Variants in TTBK2 observed in about 807,000 individuals in gnomAD.
The protein encoded by TTBK2 is tau tubulin kinase 2, also known as tau-tubulin kinase 2.
Under a neutral mutation model 110.8 loss-of-function variants are expected in TTBK2, and 28 were observed. The observed-to-expected ratio is 0.25, with a 90% CI of 0.19 to 0.35. The LOEUF (loss-of-function observed/expected upper bound fraction) is 0.35. Ranked by LOEUF, TTBK2 falls within the 10% of genes least tolerant of loss-of-function variation. TTBK2 has a pLI of 1.00. For missense variants in TTBK2, 1,369 were observed against 1,500.3 expected, an observed-to-expected ratio of 0.91 and a Z score of 1.45; for synonymous variants, 532 against 527.3, an observed-to-expected ratio of 1.01 and a Z score of -0.12.
intron 2 of TTBK2, among the ~76,000 whole-genome samples, chr15:42,875,298 G>A (rs1894773504): frequency 6.6e-6 from 1 of 152,166 alleles, no homozygotes; most frequent in African/African-American, 2.4e-5. Context: ...AAGAGACAGA[G>A]GCAGTTTAGT....
Position 42,746,257 on chromosome 15 carries a change from C to A in TTBK2, c.3273G>T (p.Arg1091Ser), listed in dbSNP as rs753785119. Residue 1091 changes from arginine (R) to serine (S), a missense_variant and splice_region_variant, in exon 15 of 15, where the codon AGG (arginine) becomes AGT (serine). Arg to Ser is a moderately radical substitution (Grantham distance 110). Transcript: ENST00000267890. The stretch of plus-strand genomic sequence containing the variant: ...TCCCTAGGACTTTATATCTGCGTAG[C>A]CTTAAAAGAACAGAGAAAATATATT... ...KPPTRPGVEARLRRYKVLGSS... is the reference protein window; with the variant it reads ...KPPTRPGVEASLRRYKVLGSS... 2 of 1,608,172 alleles carry A rather than the reference C, an allele frequency of 1.2e-6. No homozygotes were observed. Among genetic ancestry groups the A allele is most frequent in the South Asian group, 1.1e-5 (1 of 90,686 alleles).
chr15:42,831,346 C>A (rs1892751794), intron 4 of TTBK2, among the ~76,000 whole-genome samples: 1 of 152,090 alleles, frequency 6.6e-6, no homozygotes, highest in Non-Finnish European at 1.5e-5. Context: ...CAGGTGTGAG[C>A]CACCATGCCT....
intron 6 of TTBK2, among the ~76,000 whole-genome samples, chr15:42,818,283 T>C (rs1892126247): frequency 6.6e-6 from 1 of 152,224 alleles, no homozygotes; most frequent in Non-Finnish European, 1.5e-5. Context: ...TTTTAGTCTA[T>C]AGAATATAAA....
intron 6 of TTBK2, among the ~76,000 whole-genome samples, chr15:42,822,386 C>G (rs929071182): frequency 2.0e-5 from 3 of 151,782 alleles, no homozygotes; most frequent in African/African-American, 7.3e-5. Flanking sequence ...AAGTATTTAA[C>G]AATCTATGAG....
intron 5 of TTBK2, among the ~76,000 whole-genome samples, chr15:42,829,027 T>C (rs558866511): frequency 3.2e-4 from 49 of 152,308 alleles, no homozygotes; most frequent in East Asian, 2.9e-3. Flanking sequence ...CCAAGTACCA[T>C]AGTTCTCAAA....
At chr15:42,862,679 G>A (rs528952955) in intron 3 of TTBK2, among the ~76,000 whole-genome samples, 2 of 152,038 alleles carry the variant, frequency 1.3e-5, no homozygotes, top group South Asian at 4.2e-4. Context: ...ACCTGAAGTC[G>A]GGAGTTCCAG....
intron 14 of TTBK2, among the ~76,000 whole-genome samples, chr15:42,749,545 C>G (rs2140573711): frequency 6.6e-6 from 1 of 152,332 alleles, no homozygotes; most frequent in Admixed American, 6.5e-5. Context: ...GCAAAAAGAA[C>G]CCTGTCCTCC....
At chr15:42,802,423 C>A in intron 9 of TTBK2, 1 of 723,956 alleles carries the variant, frequency 1.4e-6, no homozygotes, top group South Asian at 1.4e-5. Context: ...GGCAGGCGGG[C>A]CGAACCAGAC....
intron 10 of TTBK2, among the ~76,000 whole-genome samples, chr15:42,785,585 A>T (rs1890376379): frequency 6.6e-6 from 1 of 152,074 alleles, no homozygotes; most frequent in African/African-American, 2.4e-5. Flanking sequence ...ATTAATTGGT[A>T]TTTGTCTATA....
chr15:42,791,261 G>C (rs148555569), intron 10 of TTBK2, among the ~76,000 whole-genome samples: 1 of 151,544 alleles, frequency 6.6e-6, no homozygotes, highest in Admixed American at 6.6e-5. Flanking sequence ...TTTGTGACTC[G>C]CCTGCCTCAG....
intron 13 of TTBK2, among the ~76,000 whole-genome samples, chr15:42,758,721 G>A (rs925527650): frequency 1.1e-4 from 17 of 150,884 alleles, no homozygotes; most frequent in African/African-American, 2.7e-4. Flanking sequence ...CTGCCACCCC[G>A]TTACCCAAGC....
chr15:42,777,385 T>C lies in TTBK2; in HGVS notation c.1198-143A>G, dbSNP rs1595899229. ...GGATATTTTGGCTAGTTTACTTCAT[T>C]ACATTCTTATCTATTAACTCTTTAT... On this transcript the variant is annotated intron_variant, in intron 11 of 14. Transcript: ENST00000267890. The C allele has an allele frequency of 3.9e-6, 3 of 778,306 alleles. No homozygotes were observed. In the East Asian group the frequency reaches 8.0e-5, roughly 21 times the overall value. The allele number at this position is 778,306 out of a possible 1,614,324, so 48.2% of individuals were successfully genotyped here. A position where few individuals can be genotyped will look rare whatever the true frequency, so the allele number is the denominator to read the frequency against.
At chr15:42,883,796 T>G (rs926573568) in intron 1 of TTBK2, among the ~76,000 whole-genome samples, 1 of 152,182 alleles carries the variant, frequency 6.6e-6, no homozygotes, top group African/African-American at 2.4e-5. Flanking sequence ...AGACAGAGAT[T>G]AGCAGGATAA....
At position 42,829,953 on chromosome 15, in the gene TTBK2, A is replaced by C; in HGVS notation, c.417T>G (p.His139Gln). The C allele has an allele frequency of 6.2e-7, 1 of 1,614,146 alleles. No homozygotes were observed. Among genetic ancestry groups the C allele is most frequent in the Non-Finnish European group, 8.5e-7 (1 of 1,180,022 alleles). ...IESIHSVGFL[H>Q]RDIKPSNFAM... ...AGGTCCCTACCGGTTTGATGTCTCGATGCAAGAATCCCACAGAATGAATGC... is the reference window on the plus strand; with the variant it reads ...AGGTCCCTACCGGTTTGATGTCTCGCTGCAAGAATCCCACAGAATGAATGC... Residue 139 changes from histidine (H) to glutamine (Q), a missense_variant, in exon 5 of 15, where the codon CAT (histidine) becomes CAG (glutamine). Physicochemically the swap from His to Gln is conservative, Grantham distance 24. This residue lies in a region of TTBK2 where 12 missense variants were observed against 47.0 expected (regional missense o/e 0.26). Transcript: ENST00000267890.
At position 42,827,938 on chromosome 15, in the gene TTBK2, T is replaced by C. The variant is rs1263391714; in HGVS notation, c.527A>G (p.Asp176Gly). Residue 176 changes from aspartate to glycine, a missense_variant, in exon 6 of 15, where the codon GAC (aspartate) becomes GGC (glycine). Physicochemically the swap from Asp to Gly is moderately conservative, Grantham distance 94. Coordinates refer to ENST00000267890, the MANE Select transcript of TTBK2 (RefSeq NM_173500.4). Reference protein sequence around the residue: ...LARQFTNSCGDVRPPRAVAGF... With the variant: ...LARQFTNSCGGVRPPRAVAGF... ...TATGAAAAATCTTACTGGTCTGACG[T>C]CACCACAGGAATTGGTAAATTGTCG... The C allele has an allele frequency of 6.2e-7, 1 of 1,613,102 alleles. No individual in the cohort carries two copies. The highest frequency in any genetic ancestry group is 8.5e-7 in the Non-Finnish European group (1 of 1,179,498).
intron 14 of TTBK2, among the ~76,000 whole-genome samples, chr15:42,746,963 A>ATTTT (rs377241095): frequency 5.5e-4 from 75 of 135,246 alleles, no homozygotes; most frequent in African/African-American, 2.0e-3. Context: ...TGGGCCTCAG[A>ATTTT]TTTTTTTTTT....
intron 1 of TTBK2, among the ~76,000 whole-genome samples, chr15:42,911,155 C>CATACAAAG (rs1340050572): frequency 6.6e-6 from 1 of 151,974 alleles, no homozygotes; most frequent in Admixed American, 6.6e-5. Flanking sequence ...CTAGGATTGT[C>CATACAAAG]ATACAAAGTT....
chr15:42,865,039 C>T (rs114755220), intron 3 of TTBK2, among the ~76,000 whole-genome samples: 1,825 of 152,048 alleles, frequency 0.012, 34 homozygotes, highest in African/African-American at 0.041. Flanking sequence ...TTCACATTAC[C>T]TTTGAAGTGG....
intron 3 of TTBK2, among the ~76,000 whole-genome samples, chr15:42,848,013 AT>A (rs960728159): frequency 1.3e-5 from 2 of 150,870 alleles, no homozygotes; most frequent in South Asian, 2.1e-4. Flanking sequence ...TGTTGAGTTT[AT>A]TTTTTTTTCT....
Sources: gnomAD v4.1 joint callset for allele counts (sites outside exome capture counted in the v4.1 genomes callset) on GRCh38, gnomAD v4.1.1 for gene constraint, gnomAD v4.1.1 regional missense constraint, MANE v1.5 for transcripts, NCBI Gene and HGNC (gene_info 2026-07-23, HGNC 2026-07-21) for gene names.